DOCK8: variants seen among roughly 807,000 people sequenced by gnomAD.
DOCK8 encodes the protein dedicator of cytokinesis protein 8.
DOCK8 carries 141 observed loss-of-function variants against 245.6 expected under a neutral mutation model. The ratio of observed to expected loss-of-function variants is 0.57; its 90% confidence interval spans 0.50 to 0.66. The LOEUF is 0.66. DOCK8 is among the 30% of genes least tolerant of loss of function. The pLI, the probability that DOCK8 is intolerant of heterozygous loss-of-function variation, is 0.00. For missense variants in DOCK8, 2,965 were observed against 2,603.4 expected, an observed-to-expected ratio of 1.14 and a Z score of -3.02; for synonymous variants, 1,168 against 970.2, an observed-to-expected ratio of 1.20 and a Z score of -3.79.
At chr9:452,218 C>T in intron 46 of DOCK8, 101 bp downstream of exon 46, 2 of 788,068 alleles carry the variant, frequency 2.5e-6, no homozygotes, top group South Asian at 2.9e-5. Context: ...GCTAGAAAGA[C>T]AAAGTCTCAG....
At chr9:248,627 A>G (rs901241483) in intron 1 of DOCK8, among the ~76,000 whole-genome samples, 2 of 133,078 alleles carry the variant, frequency 1.5e-5, no homozygotes, top group South Asian at 2.4e-4. Flanking sequence ...TTTTCTTTCT[A>G]TCTTTCTTAC....
chr9:426,068 T>G (rs2056488853), intron 33 of DOCK8, among the ~76,000 whole-genome samples: 1 of 152,110 alleles, frequency 6.6e-6, no homozygotes, highest in Admixed American at 6.5e-5. Flanking sequence ...CTTGGTAAAG[T>G]CAATTCTTCA....
At chr9:246,422 A>G (rs1476475296) in intron 1 of DOCK8, among the ~76,000 whole-genome samples, 1 of 152,128 alleles carries the variant, frequency 6.6e-6, no homozygotes, top group African/African-American at 2.4e-5. Flanking sequence ...CCCACCTACT[A>G]GAGAGGCTAA....
At chr9:425,497 ACTCT>A (rs1564053314) in intron 33 of DOCK8, among the ~76,000 whole-genome samples, 15 of 135,944 alleles carry the variant, frequency 1.1e-4, no homozygotes, top group East Asian at 8.1e-4. Context: ...GCGCCACTGC[ACTCT>A]GCACTCCAGC....
At chr9:347,325 A>G (rs1831120) in intron 14 of DOCK8, among the ~76,000 whole-genome samples, 119,731 of 151,858 alleles carry the variant, frequency 0.79, 48,242 homozygotes, top group East Asian at 0.91. Flanking sequence ...GCAACATAGC[A>G]AGACCCTGTC....
chr9:337,776 A>G (rs1051676613), intron 12 of DOCK8, among the ~76,000 whole-genome samples: 2 of 152,186 alleles, frequency 1.3e-5, no homozygotes, highest in African/African-American at 4.8e-5. Context: ...AGAGTTTCAG[A>G]TTTTTTTTGC....
At chr9:351,003 A>C (rs1046439961) in intron 14 of DOCK8, among the ~76,000 whole-genome samples, 1 of 152,182 alleles carries the variant, frequency 6.6e-6, no homozygotes, top group East Asian at 1.9e-4. Flanking sequence ...TGGCATGGGA[A>C]GGGGATGAGG....
At chr9:249,831 T>C (rs552636157) in intron 1 of DOCK8, among the ~76,000 whole-genome samples, 138 of 151,908 alleles carry the variant, frequency 9.1e-4, no homozygotes, top group African/African-American at 3.3e-3. Flanking sequence ...TTTCACCATG[T>C]TGGTCAGGTT....
In DOCK8 at chr9:304,690, G is replaced by C; in HGVS notation, c.514G>C (p.Glu172Gln). 6.2e-7 allele frequency: 1 copy of C among 1,614,160 alleles called. No homozygotes were observed. The highest frequency in any genetic ancestry group is 1.3e-5 in the African/African-American group (1 of 75,044). ...TGAGTCGGAAACCTTGGAGTGCAGTGAACCCGCTGCTCAGGTATTTCCTGT... is the reference window on the plus strand; with the variant it reads ...TGAGTCGGAAACCTTGGAGTGCAGTCAACCCGCTGCTCAGGTATTTCCTGT... ...TFESETLECS[E>Q]PAAQAGPRHL... Residue 172 changes from glutamate to glutamine, a missense_variant, in exon 5 of 48, where the codon GAA becomes CAA. By Grantham distance (29) the Glu-to-Gln change is conservative (BLOSUM62 2). Coordinates refer to ENST00000432829, the MANE Select transcript of DOCK8 (RefSeq NM_203447.4).
chr9:443,615 CA>C, intron 43 of DOCK8, 99 bp downstream of exon 43: 1 of 936,390 alleles, frequency 1.1e-6, no homozygotes, highest in Non-Finnish European at 1.7e-6. Flanking sequence ...CTCTCCAAGT[CA>C]CTTAAATGCA....
intron 40 of DOCK8, among the ~76,000 whole-genome samples, chr9:440,845 C>T (rs1587058427): frequency 6.6e-6 from 1 of 152,168 alleles, no homozygotes; most frequent in African/African-American, 2.4e-5. Context: ...CTCAGCCTCC[C>T]ACCTCAACCG....
At chr9:295,306 A>G (rs1355494651) in intron 4 of DOCK8, among the ~76,000 whole-genome samples, 1 of 152,154 alleles carries the variant, frequency 6.6e-6, no homozygotes. Context: ...GCTGACTACA[A>G]AAGGACACGG....
intron 6 of DOCK8, among the ~76,000 whole-genome samples, chr9:313,441 C>T (rs12344063): frequency 0.038 from 5,802 of 152,270 alleles, 164 homozygotes; most frequent in African/African-American, 0.063. Flanking sequence ...TTTCTAAGCA[C>T]CTTGGTTTCC....
At chr9:315,075 A>G (rs141554403) in intron 6 of DOCK8, among the ~76,000 whole-genome samples, 46 of 152,356 alleles carry the variant, frequency 3.0e-4, no homozygotes, top group African/African-American at 1.1e-3. Context: ...TACAAGTGAC[A>G]GAACCCAACT....
intron 14 of DOCK8, chr9:366,184 C>G (rs570924135): frequency 1.3e-5 from 2 of 154,788 alleles, no homozygotes; most frequent in East Asian, 3.8e-4. Flanking sequence ...GTCATCTACT[C>G]TTCTGGGAAG....
chr9:220,554 G>A (rs556537216), intron 1 of DOCK8, among the ~76,000 whole-genome samples: 2 of 152,216 alleles, frequency 1.3e-5, no homozygotes, highest in Non-Finnish European at 2.9e-5. Context: ...TGAGAAGGTA[G>A]GGATGTTACC....
intron 4 of DOCK8, among the ~76,000 whole-genome samples, chr9:302,897 G>A (rs1281743046): frequency 6.6e-6 from 1 of 152,032 alleles, no homozygotes; most frequent in Non-Finnish European, 1.5e-5. Context: ...GGAGGCTGAG[G>A]CAGGAGGATT....
At position 464,463 on chromosome 9, in the gene DOCK8, T is replaced by C. The variant is rs903181193; in HGVS notation, c.*244T>C. On this transcript the variant is annotated 3_prime_UTR_variant, in exon 48 of 48. Coordinates refer to ENST00000432829, the MANE Select transcript of DOCK8 (RefSeq NM_203447.4). ...GTACTCAGGCATGACTGCGTATTTATTAAAGTGTGTTTTTCCACAATGTAC... is the reference window on the plus strand; with the variant it reads ...GTACTCAGGCATGACTGCGTATTTACTAAAGTGTGTTTTTCCACAATGTAC... 11 of 581,450 alleles carry C rather than the reference T, an allele frequency of 1.9e-5. No individual in the cohort carries two copies. Among genetic ancestry groups the C allele is most frequent in the Non-Finnish European group, 3.1e-6 (1 of 325,754 alleles). 36.0% of individuals were successfully genotyped at this position (581,450 alleles called of 1,614,324 possible).
intron 4 of DOCK8, among the ~76,000 whole-genome samples, chr9:291,019 G>A (rs1432184990): frequency 6.6e-6 from 1 of 152,148 alleles, no homozygotes; most frequent in South Asian, 2.1e-4. Flanking sequence ...GGAAAACAAA[G>A]TTTGCTGGGC....
Sources: gnomAD v4.1 joint callset for allele counts (sites outside exome capture counted in the v4.1 genomes callset) on GRCh38, gnomAD v4.1.1 for gene constraint, MANE v1.5 for transcripts, NCBI Gene and HGNC (gene_info 2026-07-23, HGNC 2026-07-21) for gene names.